Variants in C2CD3 observed in about 807,000 individuals in gnomAD.
The protein encoded by C2CD3 is C2 domain containing 3 centriole elongation regulator.
A neutral mutation model predicts 234.0 loss-of-function variants in C2CD3; 148 were observed. The observed-to-expected ratio is 0.63, with a 90% confidence interval of 0.55 to 0.72. C2CD3 has a LOEUF of 0.72. Among genes scored for constraint, C2CD3 ranks in the 30% least tolerant of loss-of-function variants. The pLI is 0.00. For synonymous variants in C2CD3, 1,000 were observed against 1,035.4 expected (o/e 0.97, Z 0.66); for missense variants, 2,577 against 2,811.5 (o/e 0.92, Z 1.89).
chr11:74,108,924 T>C (rs1956639223), intron 12 of C2CD3, 110 bp downstream of exon 12: 1 of 593,634 alleles, frequency 1.7e-6, no homozygotes, highest in Non-Finnish European at 3.0e-6. Context: ...CAATGGATTA[T>C]TAGTACTGCC....
At chr11:74,099,011 T>C (rs73559845) in intron 15 of C2CD3, among the ~76,000 whole-genome samples, 2,687 of 152,306 alleles carry the variant, frequency 0.018, 81 homozygotes, top group African/African-American at 0.062. Context: ...ACTATGATGC[T>C]TGGTACATGG....
chr11:74,132,791 C>G, intron 7 of C2CD3, 53 bp downstream of exon 7: 1 of 1,540,524 alleles, frequency 6.5e-7, no homozygotes, highest in Non-Finnish European at 8.9e-7. Context: ...ACAATGCATA[C>G]TATGAATTGG....
chr11:74,154,172 G>T (rs796816397), intron 3 of C2CD3, among the ~76,000 whole-genome samples: 4 of 152,192 alleles, frequency 2.6e-5, no homozygotes, highest in African/African-American at 9.6e-5. Flanking sequence ...GATTTCTTAG[G>T]TAGGCCTGAG....
At chr11:74,030,536 G>A (rs938012927) in intron 31 of C2CD3, among the ~76,000 whole-genome samples, 4 of 152,088 alleles carry the variant, frequency 2.6e-5, no homozygotes, top group Non-Finnish European at 4.4e-5. Flanking sequence ...CTGCTCCTAC[G>A]GCACCTCTCT....
In C2CD3 at chr11:74,129,377, C is replaced by T. The variant is rs555531349; in HGVS notation, c.1217+3467G>A. The T allele has an allele frequency of 2.9e-3, 487 of 166,414 alleles. 4 individuals are homozygous for T. The highest frequency in any genetic ancestry group is 0.012 in the African/African-American group (461 of 38,186). The allele number at this position is 166,414 out of a possible 1,614,324, so 10.3% of individuals were successfully genotyped here. On this transcript the variant is annotated intron_variant, in intron 7 of 32. Transcript: ENST00000334126. ...CTCAGACGGGGCGGCTGGGCAGAGACGGTCCTCACCTCCCAGACGGGGTCG... is the reference window on the plus strand; with the variant it reads ...CTCAGACGGGGCGGCTGGGCAGAGATGGTCCTCACCTCCCAGACGGGGTCG...
At chr11:74,045,598 G>T (rs991318924) in intron 28 of C2CD3, among the ~76,000 whole-genome samples, 1 of 151,042 alleles carries the variant, frequency 6.6e-6, no homozygotes, top group Non-Finnish European at 1.5e-5. Flanking sequence ...GGCAGACAGG[G>T]TCTTACTCTG....
intron 7 of C2CD3, among the ~76,000 whole-genome samples, chr11:74,124,675 G>GCCT (rs1209686033): frequency 1.3e-5 from 2 of 152,154 alleles, no homozygotes; most frequent in African/African-American, 4.8e-5. Flanking sequence ...AGTCGACATG[G>GCCT]CCTCTCTGCA....
rs753888315 is a variant in C2CD3 at position 74,113,817 on chromosome 11, C to T, written c.1806G>A (p.Glu602=). Residue 602 remains glutamate, a synonymous_variant, in exon 11 of 33, where the codon GAG becomes GAA. Transcript: ENST00000334126. ...SGLGKTALIT[E]VVRLASSKIT... is the part of the protein sequence containing the mutation. ...TTTTACTGGAGGCGAGTCGAACAAC[C>T]TCAGTGATCAAAGCTGTCTTTCCCA... 44 of 1,613,250 alleles carry T rather than the reference C, an allele frequency of 2.7e-5. No homozygotes were observed. The highest frequency in any genetic ancestry group is 3.7e-5 in the Non-Finnish European group (44 of 1,179,474).
At chr11:74,014,480 G>A (rs1951807776) in intron 32 of C2CD3, among the ~76,000 whole-genome samples, 1 of 152,336 alleles carries the variant, frequency 6.6e-6, no homozygotes, top group African/African-American at 2.4e-5. Flanking sequence ...TAGAGACTGG[G>A]ACCACCTACC....
intron 32 of C2CD3, among the ~76,000 whole-genome samples, chr11:74,015,575 G>A (rs984897215): frequency 1.3e-5 from 2 of 152,152 alleles, no homozygotes; most frequent in African/African-American, 4.8e-5. Flanking sequence ...TACTCTGAAG[G>A]GGAAGTAGGG....
At chr11:74,114,291 T>C in intron 10 of C2CD3, 93 bp downstream of exon 10, 1 of 846,932 alleles carries the variant, frequency 1.2e-6, no homozygotes, top group Non-Finnish European at 1.9e-6. Flanking sequence ...TGAAAACACA[T>C]CCCAAATCAC....
chr11:74,074,750 G>T, intron 23 of C2CD3, 150 bp from the exon 24 acceptor site: 1 of 642,398 alleles, frequency 1.6e-6, no homozygotes, highest in Non-Finnish European at 2.7e-6. Flanking sequence ...TATGAAGCTG[G>T]TAGAAAACAT....
At chr11:74,018,804 C>T (rs762938992) in intron 32 of C2CD3, among the ~76,000 whole-genome samples, 2 of 152,228 alleles carry the variant, frequency 1.3e-5, no homozygotes, top group Non-Finnish European at 1.5e-5. Flanking sequence ...CTGACCTGCT[C>T]AGCCCGGCTG....
Position 74,012,756 on chromosome 11 carries a change from G to C in C2CD3, c.*629C>G, listed in dbSNP as rs1330390059. 2.0e-5 allele frequency: 3 copies of C among 152,136 alleles called. No individual in the cohort carries two copies. 9.4% of individuals were successfully genotyped at this position (152,136 alleles called of 1,614,324 possible). A position where few individuals can be genotyped will look rare whatever the true frequency, so the allele number is the denominator to read the frequency against. ...TATGATTTTATTCAAACACAGGCAAGAACAATGACCTTCAGAGCTGGGTAA... is the reference window on the plus strand; with the variant it reads ...TATGATTTTATTCAAACACAGGCAACAACAATGACCTTCAGAGCTGGGTAA... On this transcript the variant is annotated 3_prime_UTR_variant, in exon 33 of 33. Coordinates refer to ENST00000334126, the MANE Select transcript of C2CD3 (RefSeq NM_001286577.2).
chr11:74,056,901 A>ATTT (rs3076367), intron 25 of C2CD3, among the ~76,000 whole-genome samples: 4 of 136,874 alleles, frequency 2.9e-5, no homozygotes, highest in Admixed American at 7.3e-5. Context: ...CTTTATTGTA[A>ATTT]TTTTTTTTTT....
intron 31 of C2CD3, among the ~76,000 whole-genome samples, chr11:74,032,242 T>G (rs1460364167): frequency 6.6e-6 from 1 of 152,138 alleles, no homozygotes; most frequent in Non-Finnish European, 1.5e-5. Context: ...AAAATAATTT[T>G]GTGGGTCTAG....
rs1446584191 is a variant in C2CD3 at position 74,113,883 on chromosome 11, A to G, written c.1740T>C (p.Phe580=). 7 of 1,576,718 alleles carry G rather than the reference A, an allele frequency of 4.4e-6. No individual in the cohort carries two copies. Among genetic ancestry groups the G allele is most frequent in the East Asian group, 2.2e-5 (1 of 44,698 alleles). The change falls in exon 11 of 33, where the codon TTT becomes TTC. Residue 580 remains phenylalanine, a synonymous_variant. Coordinates refer to ENST00000334126, the MANE Select transcript of C2CD3 (RefSeq NM_001286577.2). ...KVTTAKKRTF[F]VEYHFPVGFS... is the part of the protein sequence containing the mutation. The stretch of plus-strand genomic sequence containing the variant: ...AGCCCACAGGAAAGTGATATTCTAC[A>G]AAGAAAGTGCTAAAAAGAAAAAAAA...
At chr11:74,083,253 A>C (rs1216178845) in intron 22 of C2CD3, among the ~76,000 whole-genome samples, 1 of 152,182 alleles carries the variant, frequency 6.6e-6, no homozygotes, top group Non-Finnish European at 1.5e-5. Flanking sequence ...AGAAAGCTGA[A>C]ACTGGATCCC....
intron 32 of C2CD3, among the ~76,000 whole-genome samples, chr11:74,015,346 C>T (rs1951840938): frequency 1.3e-5 from 2 of 152,204 alleles, no homozygotes; most frequent in African/African-American, 2.4e-5. Flanking sequence ...GGTTGTTGTC[C>T]TACCATATGC....
Sources: gnomAD v4.1 joint callset for allele counts (sites outside exome capture counted in the v4.1 genomes callset) on GRCh38, gnomAD v4.1.1 for gene constraint, MANE v1.5 for transcripts, NCBI Gene and HGNC (gene_info 2026-07-23, HGNC 2026-07-21) for gene names.